The following AXDND1 variants were observed in gnomAD, a reference collection of about 807,000 sequenced individuals.
AXDND1 encodes axonemal dynein light chain domain containing 1.
AXDND1 carries 110 observed loss-of-function variants against 137.5 expected under a neutral mutation model. The ratio of observed to expected loss-of-function variants is 0.80; its 90% CI spans 0.69 to 0.94. The LOEUF is 0.94. AXDND1 is among the 40% of genes least tolerant of loss of function. The probability of loss-of-function intolerance (pLI) is 0.00; values close to 1 mark genes in which losing one functional copy is unlikely to be tolerated. For synonymous variants in AXDND1, 414 were observed against 399.7 expected, an observed-to-expected ratio of 1.04 and a Z score of -0.43; for missense variants, 1,191 against 1,169.8, an observed-to-expected ratio of 1.02 and a Z score of -0.26.
chr1:179,513,887 T>C (rs1669277083), intron 21 of AXDND1, among the ~76,000 whole-genome samples: 1 of 152,170 alleles, frequency 6.6e-6, no homozygotes, highest in Non-Finnish European at 1.5e-5. Context: ...ATCTTTTGTA[T>C]TTCAGCGGTG....
At chr1:179,551,382 T>C in intron 25 of AXDND1, 1 of 1,613,980 alleles carries the variant, frequency 6.2e-7, no homozygotes, top group African/African-American at 1.3e-5. Context: ...GCAGCAGGGG[T>C]GCCTGACAGA....
chr1:179,456,608 A>T, intron 16 of AXDND1: 2 of 819,342 alleles, frequency 2.4e-6, no homozygotes, highest in South Asian at 1.3e-5. Context: ...CAAACCCATT[A>T]TAGCCATCCC....
chr1:179,473,558 C>A (rs1264551284), intron 17 of AXDND1, among the ~76,000 whole-genome samples: 1 of 152,108 alleles, frequency 6.6e-6, no homozygotes, highest in African/African-American at 2.4e-5. Context: ...TATAGATATA[C>A]TTCTATCTAG....
intron 20 of AXDND1, among the ~76,000 whole-genome samples, chr1:179,496,272 T>C (rs1419845319): frequency 6.6e-6 from 1 of 152,078 alleles, no homozygotes; most frequent in African/African-American, 2.4e-5. Context: ...AGAAATAATA[T>C]GTGTAGAATT....
At chr1:179,499,063 G>A (rs1273941210) in intron 20 of AXDND1, among the ~76,000 whole-genome samples, 1 of 152,078 alleles carries the variant, frequency 6.6e-6, no homozygotes, top group Admixed American at 6.6e-5. Context: ...GTTCAACACA[G>A]CAATCCCATT....
intron 23 of AXDND1, 44 bp downstream of exon 23, chr1:179,528,475 A>T (rs772279196): frequency 1.5e-6 from 2 of 1,361,732 alleles, no homozygotes; most frequent in South Asian, 1.2e-5. Flanking sequence ...ACTATTTAAC[A>T]TTGCATAAAA....
chr1:179,429,438 C>G, intron 12 of AXDND1, 80 bp from the exon 13 acceptor site: 5 of 646,592 alleles, frequency 7.7e-6, no homozygotes, highest in Non-Finnish European at 1.2e-5. Context: ...CATGAAAAAT[C>G]GATATATGAA....
chr1:179,496,817 T>TC (rs745524888), intron 20 of AXDND1, among the ~76,000 whole-genome samples: 1 of 152,048 alleles, frequency 6.6e-6, no homozygotes, highest in Admixed American at 6.6e-5. Context: ...TTTTACCTCC[T>TC]CCCCCATACC....
chr1:179,412,713 T>C (rs1388671707), intron 12 of AXDND1, among the ~76,000 whole-genome samples: 1 of 152,218 alleles, frequency 6.6e-6, no homozygotes, highest in Admixed American at 6.5e-5. Flanking sequence ...CCTAATTCAG[T>C]AATAACATGC....
intron 11 of AXDND1, among the ~76,000 whole-genome samples, chr1:179,407,109 G>T (rs1329407813): frequency 6.6e-6 from 1 of 152,088 alleles, no homozygotes; most frequent in Non-Finnish European, 1.5e-5. Context: ...CTTCAGGCTG[G>T]TCTAGTGGTG....
chr1:179,490,723 C>T (rs949479956), intron 18 of AXDND1, among the ~76,000 whole-genome samples: 1 of 151,300 alleles, frequency 6.6e-6, no homozygotes, highest in African/African-American at 2.4e-5. Context: ...ACGTTACCAC[C>T]TTCATTTCCT....
chr1:179,534,250 T>C (rs1351937065), intron 24 of AXDND1, among the ~76,000 whole-genome samples: 1 of 152,192 alleles, frequency 6.6e-6, no homozygotes. Flanking sequence ...ATAGTTAAGA[T>C]GGCTGGGGAT....
chr1:179,422,046 A>G (rs71514852), intron 12 of AXDND1, among the ~76,000 whole-genome samples: 176 of 17,058 alleles, frequency 0.01, no homozygotes, highest in Middle Eastern at 0.042. Context: ...ATCTCAAAAG[A>G]AAAAAAAAAA....
chr1:179,534,935 GAAAATTCCTCAAAATCTCC>G lies in AXDND1; in HGVS notation c.3008_3026del (p.Asn1003ArgfsTer29), dbSNP rs1558314904. The G allele has an allele frequency of 1.2e-6, 2 of 1,606,606 alleles. No homozygotes were observed. The highest frequency in any genetic ancestry group is 2.3e-5 in the South Asian group (2 of 88,616). ...AGAAGAAGAAGAAGTCAGGTCAGCA[GAAAATTCCTCAAAATCTCC>G]AAAGAAAGGTAAGGATTGCTTCGTA... is the stretch of plus-strand genomic sequence containing the variant. On this transcript the variant is annotated frameshift_variant, in exon 25 of 26. Transcript: ENST00000367618. LOFTEE classifies it high-confidence loss of function.
intron 20 of AXDND1, among the ~76,000 whole-genome samples, chr1:179,503,091 G>A (rs1207178099): frequency 3.5e-5 from 3 of 84,880 alleles, no homozygotes; most frequent in Admixed American, 1.4e-4. Context: ...GCAAAACTCC[G>A]TGTAAAAAAA....
intron 22 of AXDND1, among the ~76,000 whole-genome samples, chr1:179,527,126 G>A (rs1670605287): frequency 6.6e-6 from 1 of 152,210 alleles, no homozygotes; most frequent in South Asian, 2.1e-4. Flanking sequence ...CTTAAGGGCT[G>A]CTGGTTGCCC....
At chr1:179,542,297 G>A (rs915023235) in intron 25 of AXDND1, among the ~76,000 whole-genome samples, 1 of 152,076 alleles carries the variant, frequency 6.6e-6, no homozygotes, top group African/African-American at 2.4e-5. Context: ...GATAGTACTG[G>A]AAAGACATCT....
chr1:179,429,705 C>T (rs759727929), intron 13 of AXDND1, 86 bp downstream of exon 13: 197 of 688,892 alleles, frequency 2.9e-4, no homozygotes, highest in Admixed American at 4.9e-4. Flanking sequence ...TTAAATTTAT[C>T]GATTTTAAAA....
At chr1:179,528,224 T>C (rs6698201) in intron 22 of AXDND1, 103 bp from the exon 23 acceptor site, 651,910 of 727,614 alleles carry the variant, frequency 0.9, 292,660 homozygotes, top group East Asian at 0.97. Flanking sequence ...AAATGGAAAA[T>C]GTAAGCTTCC....
Sources: allele counts gnomAD v4.1 joint callset (sites outside exome capture counted in the v4.1 genomes callset), GRCh38; gene constraint gnomAD v4.1.1; transcripts MANE v1.5; gene names NCBI Gene and HGNC (gene_info 2026-07-23, HGNC 2026-07-21).